Variants in CREB5 observed in about 807,000 individuals in gnomAD.
CREB5 encodes the protein cAMP responsive element binding protein 5, also known as cyclic AMP-responsive element-binding protein 5.
CREB5 carries 19 observed loss-of-function variants against 57.1 expected under a neutral mutation model. The observed-to-expected ratio is 0.33, with a 90% CI of 0.23 to 0.49. The LOEUF is 0.49. CREB5 is among the 20% of genes least tolerant of loss of function. The probability of loss-of-function intolerance (pLI) is 0.99; values close to 1 mark genes in which losing one functional copy is unlikely to be tolerated. For synonymous variants in CREB5, 238 were observed against 238.3 expected, an observed-to-expected ratio of 1.00 and a Z score of 0.01; for missense variants, 579 against 671.6, an observed-to-expected ratio of 0.86 and a Z score of 1.52.
At chr7:28,645,588 G>C (rs1237102181) in intron 5 of CREB5, among the ~76,000 whole-genome samples, 1 of 152,184 alleles carries the variant, frequency 6.6e-6, no homozygotes, top group Non-Finnish European at 1.5e-5. Flanking sequence ...GTTATGATTG[G>C]AGATTTTTGT....
chr7:28,511,763 G>A (rs914099801), intron 4 of CREB5, among the ~76,000 whole-genome samples: 17 of 152,326 alleles, frequency 1.1e-4, no homozygotes, highest in African/African-American at 3.6e-4. Context: ...TGGGATTACC[G>A]GCGTGAGCCA....
At chr7:28,518,379 T>C (rs1243827079) in intron 4 of CREB5, among the ~76,000 whole-genome samples, 2 of 152,216 alleles carry the variant, frequency 1.3e-5, no homozygotes. Flanking sequence ...GATGCAGCAC[T>C]GGGCATTTTT....
intron 1 of CREB5, among the ~76,000 whole-genome samples, chr7:28,414,671 C>T (rs1787958547): frequency 6.6e-6 from 1 of 152,082 alleles, no homozygotes; most frequent in Non-Finnish European, 1.5e-5. Flanking sequence ...TTAATGTTTT[C>T]ACTAAAGAAT....
chr7:28,809,516 A>T (rs775848224), intron 9 of CREB5, 102 bp downstream of exon 9: 3 of 1,060,166 alleles, frequency 2.8e-6, no homozygotes, highest in South Asian at 3.3e-5. Flanking sequence ...GATACCACAC[A>T]CTTAGTCCAC....
At chr7:28,592,756 A>G (rs1353043897) in intron 5 of CREB5, among the ~76,000 whole-genome samples, 1 of 152,208 alleles carries the variant, frequency 6.6e-6, no homozygotes, top group Non-Finnish European at 1.5e-5. Flanking sequence ...GGCTGAGATA[A>G]CAATAGTGAT....
At chr7:28,692,387 G>A (rs533483928) in intron 5 of CREB5, among the ~76,000 whole-genome samples, 20 of 152,078 alleles carry the variant, frequency 1.3e-4, no homozygotes, top group Non-Finnish European at 2.8e-4. Context: ...ACTTGAGGTC[G>A]GGAGTTCAAG....
chr7:28,776,083 A>G (rs756093974), intron 7 of CREB5, among the ~76,000 whole-genome samples: 6 of 151,902 alleles, frequency 3.9e-5, no homozygotes, highest in Admixed American at 6.6e-5. Context: ...CACGCCTGTA[A>G]TCTCAGCGCT....
At chr7:28,320,380 C>T (rs985118666) in intron 1 of CREB5, among the ~76,000 whole-genome samples, 1 of 152,098 alleles carries the variant, frequency 6.6e-6, no homozygotes, top group African/African-American at 2.4e-5. Flanking sequence ...CAGAGGATCC[C>T]ACCCAGGAAA....
Position 28,624,634 on chromosome 7 carries a change from C to T in CREB5, c.464+54097C>T, listed in dbSNP as rs144047684. Among the ~76,000 whole-genome samples, 838 of 148,230 alleles carry T rather than the reference C, an allele frequency of 5.7e-3. 3 individuals carry two copies. The highest frequency in any genetic ancestry group is 8.8e-3 in the Non-Finnish European group (592 of 67,582). The stretch of plus-strand genomic sequence containing the variant: ...TTTGGTGTCTAAGTTGAACATTTTT[C>T]TCAAATTGTACTTCGTTTTTCCTTG... On this transcript the variant is annotated intron_variant, in intron 5 of 10. Coordinates refer to ENST00000357727, the MANE Select transcript of CREB5 (RefSeq NM_182898.4).
At position 28,820,478 on chromosome 7, in the gene CREB5, A is replaced by C. The variant is rs1809701450; in HGVS notation, c.*1199A>C. Reference sequence around the variant, plus strand: ...TGTTCTGGGGGGTGAAAATAGACTAACTACTGGAGAAACAAAGAGAGAAAG... The same window carrying C: ...TGTTCTGGGGGGTGAAAATAGACTACCTACTGGAGAAACAAAGAGAGAAAG... On this transcript the variant is annotated 3_prime_UTR_variant, in exon 11 of 11. Transcript: ENST00000357727. The C allele has an allele frequency of 6.6e-6, 1 of 152,224 alleles. No individual in the cohort carries two copies. Among genetic ancestry groups the C allele is most frequent in the Non-Finnish European group, 1.5e-5 (1 of 67,964 alleles). 9.4% of individuals were successfully genotyped at this position (152,224 alleles called of 1,614,324 possible).
intron 7 of CREB5, among the ~76,000 whole-genome samples, chr7:28,753,379 T>TAC (rs140459249): frequency 0.021 from 3,139 of 151,394 alleles, 102 homozygotes; most frequent in Admixed American, 0.086. Flanking sequence ...CGTGCATGCA[T>TAC]ACACACACAC....
chr7:28,486,693 T>TATATATATATATATATA (rs55678654), intron 1 of CREB5, among the ~76,000 whole-genome samples: 1 of 134,922 alleles, frequency 7.4e-6, no homozygotes, highest in Non-Finnish European at 1.6e-5. Flanking sequence ...TATATATATA[T>TATATATATATATATATA]GTTACTGTGT....
At chr7:28,355,955 G>C (rs950360330) in intron 1 of CREB5, among the ~76,000 whole-genome samples, 4 of 152,136 alleles carry the variant, frequency 2.6e-5, no homozygotes, top group African/African-American at 9.7e-5. Flanking sequence ...AGGGCAATTC[G>C]TTGTGAGGAG....
chr7:28,684,899 C>T (rs1213133495), intron 5 of CREB5, among the ~76,000 whole-genome samples: 2 of 151,832 alleles, frequency 1.3e-5, no homozygotes, highest in Non-Finnish European at 2.9e-5. Flanking sequence ...GTTAAAAAGC[C>T]CTGCTAATAG....
intron 7 of CREB5, among the ~76,000 whole-genome samples, chr7:28,735,121 T>C (rs1159859382): frequency 6.6e-6 from 1 of 151,410 alleles, no homozygotes; most frequent in African/African-American, 2.4e-5. Context: ...TTTTTTGTTT[T>C]TTTGTGTGTG....
In CREB5 at chr7:28,804,293, A is replaced by G; in HGVS notation, c.797A>G (p.Gln266Arg). The G allele has an allele frequency of 6.2e-7, 1 of 1,614,074 alleles. No homozygotes were observed. Among genetic ancestry groups the G allele is most frequent in the Non-Finnish European group, 8.5e-7 (1 of 1,180,002 alleles). The change falls in exon 8 of 11, where the codon CAG becomes CGG. Residue 266 changes from glutamine (Q) to arginine (R), a missense_variant. Physicochemically the swap from Gln to Arg is conservative, Grantham distance 43. This residue lies in a region of CREB5 where 459 missense variants were observed against 515.7 expected (regional missense o/e 0.89). Coordinates refer to ENST00000357727, the MANE Select transcript of CREB5 (RefSeq NM_182898.4). ...ATGATGGAGATGATGGGCTCCCGGC[A>G]GGACCAGACGCCACACCATCACATG... Reference protein sequence around the residue: ...GHMMEMMGSRQDQTPHHHMHS... With the variant: ...GHMMEMMGSRRDQTPHHHMHS...
chr7:28,371,491 C>CAAAA (rs5883125), intron 1 of CREB5, among the ~76,000 whole-genome samples: 8 of 77,172 alleles, frequency 1.0e-4, no homozygotes, highest in African/African-American at 4.0e-4. Context: ...TACTCCATCT[C>CAAAA]AAAAAAAAAA....
intron 1 of CREB5, among the ~76,000 whole-genome samples, chr7:28,352,814 C>T (rs184144764): frequency 5.6e-4 from 86 of 152,350 alleles, no homozygotes; most frequent in African/African-American, 2.0e-3. Context: ...CTCCATTTTA[C>T]AGACAAAGAA....
chr7:28,546,446 A>G (rs1554341018), intron 4 of CREB5, among the ~76,000 whole-genome samples: 1 of 152,150 alleles, frequency 6.6e-6, no homozygotes, highest in Non-Finnish European at 1.5e-5. Flanking sequence ...CTCTATGTTT[A>G]GCTCTTTGTA....
Sources: gnomAD v4.1 joint callset for allele counts (sites outside exome capture counted in the v4.1 genomes callset) on GRCh38, gnomAD v4.1.1 for gene constraint, gnomAD v4.1.1 regional missense constraint, MANE v1.5 for transcripts, NCBI Gene and HGNC (gene_info 2026-07-23, HGNC 2026-07-21) for gene names.